Variants in CLIP4 observed in about 807,000 individuals in gnomAD.
CLIP4 encodes the protein CAP-Gly domain containing linker protein family member 4.
CLIP4 carries 47 observed loss-of-function variants against 73.1 expected under a neutral mutation model. That is an observed-to-expected ratio of 0.64 (90% CI 0.51 to 0.82). The LOEUF is 0.82. CLIP4 is among the 40% of genes least tolerant of loss of function. The probability of loss-of-function intolerance (pLI) is 0.00; values close to 1 mark genes in which losing one functional copy is unlikely to be tolerated. For synonymous variants in CLIP4, 306 were observed against 295.4 expected, an observed-to-expected ratio of 1.04 and a Z score of -0.37; for missense variants, 874 against 852.9, an observed-to-expected ratio of 1.02 and a Z score of -0.31.
rs373362511 is a variant in CLIP4 at position 29,123,733 on chromosome 2, G to A, written c.133+2212G>A. Among the ~76,000 whole-genome samples the A allele has an allele frequency of 4.6e-5, 7 of 152,286 alleles. No homozygotes were observed. The South Asian group carries it at 1.5e-3, about 32-fold the overall frequency. On this transcript the variant is annotated intron_variant, in intron 2 of 15. Coordinates refer to ENST00000320081, the MANE Select transcript of CLIP4 (RefSeq NM_024692.6). ...GAATTGGAGAGTAAGACACCGGCCA[G>A]GTCATGCGGGGTCATGTAGGCCCCC...
chr2:29,131,677 T>G (rs1161405072), intron 3 of CLIP4: 3 of 285,388 alleles, frequency 1.1e-5, no homozygotes, highest in Non-Finnish European at 1.9e-5. Flanking sequence ...TTGTAAACTT[T>G]TATGCATTTC....
At chr2:29,130,821 A>C (rs1236258811) in intron 2 of CLIP4, 1 of 1,289,078 alleles carries the variant, frequency 7.8e-7, no homozygotes, top group African/African-American at 1.5e-5. Context: ...GCAAAGAAGA[A>C]AGCAAAAACA....
At chr2:29,122,240 C>CTTTTTTTTTTT (rs11359647) in intron 2 of CLIP4, among the ~76,000 whole-genome samples, 9 of 135,274 alleles carry the variant, frequency 6.7e-5, no homozygotes, top group Non-Finnish European at 9.7e-5. Context: ...CTCCAAGTTT[C>CTTTTTTTTTTT]TTTTTTTTTT....
intron 1 of CLIP4, among the ~76,000 whole-genome samples, chr2:29,107,370 T>TTTTTG: frequency 8.7e-6 from 1 of 114,892 alleles, no homozygotes; most frequent in Non-Finnish European, 1.7e-5. Context: ...TTTTTTTTTT[T>TTTTTG]TTTTTTTTTT....
rs941645620 is a variant in CLIP4, at chr2:29,183,331, C to G, written c.*1438C>G. Reference sequence around the variant, plus strand: ...ATTTTAAATCTAAATTCTGTCACTTCGCTGCCTTTTTAAAATAGTGTGGTA... The same window carrying G: ...ATTTTAAATCTAAATTCTGTCACTTGGCTGCCTTTTTAAAATAGTGTGGTA... On this transcript the variant is annotated 3_prime_UTR_variant, in exon 16 of 16. Coordinates refer to ENST00000320081, the MANE Select transcript of CLIP4 (RefSeq NM_024692.6). The G allele has an allele frequency of 6.6e-6, 1 of 152,594 alleles. No individual in the cohort carries two copies. Among genetic ancestry groups the G allele is most frequent in the Admixed American group, 6.5e-5 (1 of 15,288 alleles). 9.5% of individuals were successfully genotyped at this position (152,594 alleles called of 1,614,324 possible). A position where few individuals can be genotyped will look rare whatever the true frequency, so the allele number is the denominator to read the frequency against.
At chr2:29,132,066 G>C in intron 3 of CLIP4, 86 bp from the exon 4 acceptor site, 1 of 898,756 alleles carries the variant, frequency 1.1e-6, no homozygotes, top group Non-Finnish European at 1.8e-6. Flanking sequence ...AGATACGATA[G>C]ACTAACTTGG....
chr2:29,107,476 A>G (rs984692947), intron 1 of CLIP4, among the ~76,000 whole-genome samples: 3 of 138,742 alleles, frequency 2.2e-5, no homozygotes, highest in Non-Finnish European at 4.5e-5. Flanking sequence ...GGTTCATGCC[A>G]TTCTCCTGCC....
intron 1 of CLIP4, among the ~76,000 whole-genome samples, chr2:29,107,348 G>C (rs1392525028): frequency 2.3e-5 from 3 of 129,502 alleles, no homozygotes; most frequent in African/African-American, 8.3e-5. Context: ...TAAATTCCTG[G>C]AACATGATAG....
intron 1 of CLIP4, among the ~76,000 whole-genome samples, chr2:29,109,505 G>A (rs913983464): frequency 6.6e-6 from 1 of 152,146 alleles, no homozygotes. Flanking sequence ...GTTTCTTTGT[G>A]TTGAGAACAT....
chr2:29,155,138 G>T (rs1666834480), intron 9 of CLIP4, among the ~76,000 whole-genome samples: 1 of 152,064 alleles, frequency 6.6e-6, no homozygotes, highest in South Asian at 2.1e-4. Flanking sequence ...CACACTCCAA[G>T]AATTAAGGGT....
intron 6 of CLIP4, among the ~76,000 whole-genome samples, chr2:29,138,279 T>G (rs1201345167): frequency 6.6e-6 from 1 of 152,222 alleles, no homozygotes; most frequent in Non-Finnish European, 1.5e-5. Flanking sequence ...CCCTACTGTT[T>G]ATTTTTGTCA....
chr2:29,178,833 C>T (rs1046920805), intron 15 of CLIP4, among the ~76,000 whole-genome samples: 6 of 152,246 alleles, frequency 3.9e-5, no homozygotes, highest in Middle Eastern at 3.4e-3. Context: ...CTTGCTCTGT[C>T]GCCCAGGCTG....
At position 29,145,202 on chromosome 2, in the gene CLIP4, C is replaced by CA. The variant is rs1201974297; in HGVS notation, c.886-26dup. The CA allele has an allele frequency of 3.1e-6, 5 of 1,595,660 alleles. No individual in the cohort carries two copies. In the South Asian group the frequency reaches 5.7e-5, roughly 18 times the overall value. On this transcript the variant is annotated intron_variant, in intron 7 of 15. Transcript: ENST00000320081. ...ACCCTTGGAATTACTAATAATTCCC[C>CA]AAAATTATTCTGGTTTATATTTTCT...
At chr2:29,129,085 C>T (rs548766705) in intron 2 of CLIP4, among the ~76,000 whole-genome samples, 2 of 152,138 alleles carry the variant, frequency 1.3e-5, no homozygotes, top group African/African-American at 4.8e-5. Context: ...ACGAAAATTT[C>T]ATGAGACATT....
intron 6 of CLIP4, among the ~76,000 whole-genome samples, chr2:29,138,084 C>T (rs1665497945): frequency 6.6e-6 from 1 of 152,152 alleles, no homozygotes; most frequent in East Asian, 1.9e-4. Context: ...TTTGCCTAAG[C>T]CAATGCCTAG....
chr2:29,133,376 G>A (rs777225923), intron 4 of CLIP4, among the ~76,000 whole-genome samples: 9 of 152,160 alleles, frequency 5.9e-5, no homozygotes, highest in Non-Finnish European at 2.9e-5. Context: ...CATTCTATGT[G>A]TGTCTCAATT....
intron 12 of CLIP4, among the ~76,000 whole-genome samples, chr2:29,162,738 G>A (rs182068296): frequency 1.3e-5 from 2 of 152,270 alleles, no homozygotes; most frequent in East Asian, 1.9e-4. Context: ...TGTTCAGAGC[G>A]TTAGTGCAGC....
rs1668742821 is a variant in CLIP4 at position 29,183,586 on chromosome 2, TGTAA to T, written c.*1696_*1699del. 1 of 152,664 alleles carries T rather than the reference TGTAA, an allele frequency of 6.6e-6. No individual in the cohort carries two copies. The highest frequency in any genetic ancestry group is 1.5e-5 in the Non-Finnish European group (1 of 68,044). The allele number at this position is 152,664 out of a possible 1,614,324, so 9.5% of individuals were successfully genotyped here. A position where few individuals can be genotyped will look rare whatever the true frequency, so the allele number is the denominator to read the frequency against. On this transcript the variant is annotated 3_prime_UTR_variant, in exon 16 of 16. Transcript: ENST00000320081. The stretch of plus-strand genomic sequence containing the variant: ...ATTTTTCCTGTTAAATATAAAACAC[TGTAA>T]GTTAAAAACAGTAATGCCAACATTG...
intron 1 of CLIP4, among the ~76,000 whole-genome samples, chr2:29,104,014 C>T (rs1349408954): frequency 6.6e-6 from 1 of 151,886 alleles, no homozygotes. Context: ...GCCAGCACTG[C>T]TCTGTTTTTA....
Sources: allele counts gnomAD v4.1 joint callset (sites outside exome capture counted in the v4.1 genomes callset), GRCh38; gene constraint gnomAD v4.1.1; transcripts MANE v1.5; gene names NCBI Gene and HGNC (gene_info 2026-07-23, HGNC 2026-07-21).